PPP2R2B: variants seen among roughly 807,000 people sequenced by gnomAD.
PPP2R2B encodes the protein protein phosphatase 2 regulatory subunit Bbeta.
A neutral mutation model predicts 46.0 loss-of-function variants in PPP2R2B; 5 were observed. The ratio of observed to expected loss-of-function variants is 0.11; its 90% CI spans 0.06 to 0.23. PPP2R2B has a LOEUF of 0.23. Ranked by LOEUF, PPP2R2B falls within the 10% of genes least tolerant of loss-of-function variation. The pLI, the probability that PPP2R2B is intolerant of heterozygous loss-of-function variation, is 1.00. For synonymous variants in PPP2R2B, 215 were observed against 206.7 expected (o/e 1.04, Z -0.34); for missense variants, 367 against 575.0 (o/e 0.64, Z 3.70).
intron 2 of PPP2R2B, among the ~76,000 whole-genome samples, chr5:146,810,362 A>G (rs559564794): frequency 6.6e-6 from 1 of 152,290 alleles, no homozygotes; most frequent in Non-Finnish European, 1.5e-5. Flanking sequence ...TCCCGTTATA[A>G]AACCATCAGA....
chr5:146,782,282 T>A (rs779973029), intron 2 of PPP2R2B, among the ~76,000 whole-genome samples: 3 of 152,242 alleles, frequency 2.0e-5, no homozygotes, highest in Non-Finnish European at 4.4e-5. Flanking sequence ...TCCATTGTCA[T>A]AATTGAACCA....
chr5:146,881,890 T>G (rs142158402), upstream of PPP2R2B, among the ~76,000 whole-genome samples: 7 of 152,308 alleles, frequency 4.6e-5, no homozygotes, highest in Non-Finnish European at 7.4e-5. Flanking sequence ...AGCTGGAAAT[T>G]TTCTAGCTCA....
chr5:147,040,187 T>A lies in PPP2R2B; in HGVS notation c.79+15478A>T, dbSNP rs531936114. Among the ~76,000 whole-genome samples, 3 of 152,264 alleles carry A rather than the reference T, an allele frequency of 2.0e-5. No individual in the cohort carries two copies. In the South Asian group the frequency reaches 6.2e-4, roughly 32 times the overall value. On this transcript the variant is annotated intron_variant, in intron 1 of 8. Transcript: ENST00000336640. ...TATCACTGGAAGCCTCAAACTCTAA[T>A]CAGTTTGGTGAGGTCTATGCTATGA... is the stretch of plus-strand genomic sequence containing the variant.
intron 1 of PPP2R2B, among the ~76,000 whole-genome samples, chr5:147,001,370 T>C (rs1285153032): frequency 1.3e-5 from 2 of 151,906 alleles, no homozygotes; most frequent in African/African-American, 2.4e-5. Context: ...AGCGAGATGA[T>C]GAACCCACCA....
At chr5:146,768,070 A>G (rs1754600394) in intron 2 of PPP2R2B, among the ~76,000 whole-genome samples, 1 of 151,692 alleles carries the variant, frequency 6.6e-6, no homozygotes, top group African/African-American at 2.4e-5. Context: ...GCAGTTAACA[A>G]TTGGTTTTCT....
chr5:146,740,618 CACACAG>C (rs1447453946), intron 2 of PPP2R2B, among the ~76,000 whole-genome samples: 16 of 122,170 alleles, frequency 1.3e-4, no homozygotes, highest in African/African-American at 5.0e-4. Flanking sequence ...CACACACACA[CACACAG>C]ATAAAAGTTC....
At chr5:147,072,272 C>G (rs1291336835) in intron 2 of PPP2R2B, among the ~76,000 whole-genome samples, 1 of 151,950 alleles carries the variant, frequency 6.6e-6, no homozygotes, top group East Asian at 1.9e-4. Flanking sequence ...TGTATATGAC[C>G]CATATATGTT....
intron 5 of PPP2R2B, among the ~76,000 whole-genome samples, chr5:146,677,642 T>C (rs1213572305): frequency 6.7e-6 from 1 of 148,180 alleles, no homozygotes; most frequent in African/African-American, 2.5e-5. Flanking sequence ...GTTCTCCCAC[T>C]GTAGCCTCTC....
chr5:146,761,166 A>G (rs1037303478), intron 2 of PPP2R2B, among the ~76,000 whole-genome samples: 3 of 152,206 alleles, frequency 2.0e-5, no homozygotes, highest in African/African-American at 4.8e-5. Flanking sequence ...ATTACTGGAT[A>G]TATACCCAAA....
intron 8 of PPP2R2B, among the ~76,000 whole-genome samples, chr5:146,597,491 T>C (rs1183154227): frequency 6.6e-6 from 1 of 152,182 alleles, no homozygotes. Context: ...TTAGCATATA[T>C]ATTCAACAAG....
chr5:146,687,989 T>C (rs1459320008), intron 5 of PPP2R2B, among the ~76,000 whole-genome samples: 2 of 152,208 alleles, frequency 1.3e-5, no homozygotes. Flanking sequence ...TAGTAAATTA[T>C]AGTCTGATTA....
At chr5:146,940,952 C>T (rs1012064935) in intron 1 of PPP2R2B, among the ~76,000 whole-genome samples, 1 of 152,160 alleles carries the variant, frequency 6.6e-6, no homozygotes, top group African/African-American at 2.4e-5. Context: ...GTTCTTTGCC[C>T]TAGTGTTCAG....
chr5:146,673,026 T>C (rs1228492601), intron 5 of PPP2R2B, among the ~76,000 whole-genome samples: 2 of 152,242 alleles, frequency 1.3e-5, no homozygotes, highest in South Asian at 2.1e-4. Context: ...TCAACATATA[T>C]GGCACTTGCA....
At chr5:146,811,031 T>C (rs1757508685) in intron 2 of PPP2R2B, among the ~76,000 whole-genome samples, 1 of 152,162 alleles carries the variant, frequency 6.6e-6, no homozygotes, top group Non-Finnish European at 1.5e-5. Context: ...GATGGAGTCT[T>C]GCCCTGTCGC....
In PPP2R2B at chr5:146,826,226, A is replaced by G. The variant is rs150891837; in HGVS notation, c.70+51776T>C. On this transcript the variant is annotated intron_variant, in intron 2 of 9. Transcript: ENST00000394411. The stretch of plus-strand genomic sequence containing the variant: ...GGAATAATTAAATATCCTGCCCAAC[A>G]TAATAAAGGGTGGCAGAGACAAAAC... 1.5e-3 allele frequency among the ~76,000 whole-genome samples: 228 copies of G among 152,266 alleles called. 1 individual carries two copies. Among genetic ancestry groups the G allele is most frequent in the African/African-American group, 5.3e-3 (219 of 41,562 alleles).
intron 7 of PPP2R2B, among the ~76,000 whole-genome samples, chr5:146,634,640 T>A (rs772507013): frequency 6.6e-6 from 1 of 152,174 alleles, no homozygotes; most frequent in African/African-American, 2.4e-5. Flanking sequence ...CGGTCTCTGA[T>A]GGCTTTTAGA....
intron 1 of PPP2R2B, among the ~76,000 whole-genome samples, chr5:147,036,353 T>C (rs1756034784): frequency 1.3e-5 from 2 of 152,198 alleles, no homozygotes; most frequent in South Asian, 4.1e-4. Flanking sequence ...TCTCATTCCT[T>C]TTTATGGCTG....
At chr5:146,789,814 G>T (rs1756077077) in intron 2 of PPP2R2B, among the ~76,000 whole-genome samples, 1 of 152,152 alleles carries the variant, frequency 6.6e-6, no homozygotes, top group South Asian at 2.1e-4. Context: ...GATAAAAAGA[G>T]GCCAGACATA....
At chr5:147,042,861 T>TG (rs960521157) in intron 1 of PPP2R2B, among the ~76,000 whole-genome samples, 2 of 151,996 alleles carry the variant, frequency 1.3e-5, no homozygotes, top group Non-Finnish European at 2.9e-5. Context: ...ACCATGTGGC[T>TG]GAGGGAAGAG....
Sources: gnomAD v4.1 joint callset for allele counts (sites outside exome capture counted in the v4.1 genomes callset) on GRCh38, gnomAD v4.1.1 for gene constraint, MANE v1.5 for transcripts, NCBI Gene and HGNC (gene_info 2026-07-23, HGNC 2026-07-21) for gene names.